Variants in FOXO1 observed in about 807,000 individuals in gnomAD.
FOXO1 encodes the protein forkhead box protein O1.
In FOXO1, 6 loss-of-function variants were observed where a neutral mutation model predicts 44.1. The observed-to-expected ratio is 0.14, with a 90% confidence interval of 0.07 to 0.27. The LOEUF (loss-of-function observed/expected upper bound fraction) is 0.27, where lower values mean the gene tolerates loss of function less well. Among genes scored for constraint, FOXO1 ranks in the 10% least tolerant of loss-of-function variants. FOXO1 has a pLI of 1.00. For missense variants in FOXO1, 737 were observed against 888.8 expected (o/e 0.83, Z 2.17); for synonymous variants, 380 against 362.7 (o/e 1.05, Z -0.54).
At chr13:40,596,486 C>T (rs1044397392) in intron 1 of FOXO1, among the ~76,000 whole-genome samples, 9 of 152,164 alleles carry the variant, frequency 5.9e-5, no homozygotes, top group Non-Finnish European at 1.3e-4. Flanking sequence ...CTTTGGAGAT[C>T]CTGACTCAAA....
In FOXO1 at chr13:40,666,560, C is replaced by T; in HGVS notation, c.-348G>A. 1 of 236,002 alleles carries T rather than the reference C, an allele frequency of 4.2e-6. No individual in the cohort carries two copies. The allele number at this position is 236,002 out of a possible 1,614,324, so 14.6% of individuals were successfully genotyped here. ...GGGCCGCTTGCTCTCCCCAGCGGCGCGCCCGCTGCGCTGCTGCCTGTTGAA... is the reference window on the plus strand; with the variant it reads ...GGGCCGCTTGCTCTCCCCAGCGGCGTGCCCGCTGCGCTGCTGCCTGTTGAA... On this transcript the variant is annotated 5_prime_UTR_variant, in exon 1 of 3. Transcript: ENST00000379561.
At chr13:40,580,785 C>T (rs1485576244) in intron 1 of FOXO1, among the ~76,000 whole-genome samples, 1 of 152,106 alleles carries the variant, frequency 6.6e-6, no homozygotes, top group Non-Finnish European at 1.5e-5. Context: ...TTAGCAGTAG[C>T]AACAAAAGAT....
rs1258703072 is a variant in FOXO1 at position 40,557,516 on chromosome 13, C to T, written c.*1533G>A. 1 of 152,192 alleles carries T rather than the reference C, an allele frequency of 6.6e-6. No individual in the cohort carries two copies. The highest frequency in any genetic ancestry group is 2.4e-5 in the African/African-American group (1 of 41,432). The allele number at this position is 152,192 out of a possible 1,614,324, so 9.4% of individuals were successfully genotyped here. A position where few individuals can be genotyped will look rare whatever the true frequency, so the allele number is the denominator to read the frequency against. ...AAGTAAGTTCTATTCCATTTGCTACCCATCTGAACTTATGAACACAAATTC... is the reference window on the plus strand; with the variant it reads ...AAGTAAGTTCTATTCCATTTGCTACTCATCTGAACTTATGAACACAAATTC... On this transcript the variant is annotated 3_prime_UTR_variant, in exon 3 of 3. Coordinates refer to ENST00000379561, the MANE Select transcript of FOXO1 (RefSeq NM_002015.4).
At chr13:40,599,590 T>C (rs1028065473) in intron 1 of FOXO1, among the ~76,000 whole-genome samples, 4 of 152,208 alleles carry the variant, frequency 2.6e-5, no homozygotes, top group Admixed American at 1.3e-4. Context: ...TCGTGTGGCA[T>C]GTGTCTTTGT....
intron 1 of FOXO1, among the ~76,000 whole-genome samples, chr13:40,634,033 T>C (rs1451094512): frequency 3.3e-5 from 5 of 152,218 alleles, no homozygotes; most frequent in Non-Finnish European, 7.4e-5. Context: ...AACTGAATTA[T>C]GGGAAGTTTC....
chr13:40,647,548 C>T (rs959377637), intron 1 of FOXO1, among the ~76,000 whole-genome samples: 3 of 152,052 alleles, frequency 2.0e-5, no homozygotes, highest in African/African-American at 7.2e-5. Flanking sequence ...GGGATTACAG[C>T]CGTGCACCAC....
intron 1 of FOXO1, among the ~76,000 whole-genome samples, chr13:40,642,302 C>T (rs1325522150): frequency 6.6e-6 from 1 of 152,106 alleles, no homozygotes; most frequent in African/African-American, 2.4e-5. Context: ...AACCAAACCC[C>T]AATCTAGACA....
At chr13:40,577,009 A>T (rs890864195) in intron 1 of FOXO1, among the ~76,000 whole-genome samples, 39 of 152,222 alleles carry the variant, frequency 2.6e-4, no homozygotes, top group African/African-American at 9.2e-4. Context: ...GTAACCATGG[A>T]TTGTTCCACA....
Position 40,666,621 on chromosome 13 carries a change from G to A in FOXO1, c.-409C>T, listed in dbSNP as rs574022211. 578 of 182,728 alleles carry A rather than the reference G, an allele frequency of 3.2e-3. 1 individual carries two copies. The highest frequency in any genetic ancestry group is 0.013 in the African/African-American group (546 of 42,554). 11.3% of individuals were successfully genotyped at this position (182,728 alleles called of 1,614,324 possible). A position where few individuals can be genotyped will look rare whatever the true frequency, so the allele number is the denominator to read the frequency against. On this transcript the variant is annotated 5_prime_UTR_variant, in exon 1 of 3. Coordinates refer to ENST00000379561, the MANE Select transcript of FOXO1 (RefSeq NM_002015.4). ...GCGGCAGCGGCTGCTGCGACTACCA[G>A]GCCGCCCGACTTACGGGATCTGCCG... is the stretch of plus-strand genomic sequence containing the variant.
intron 1 of FOXO1, among the ~76,000 whole-genome samples, chr13:40,573,831 A>G (rs1362338741): frequency 6.6e-6 from 1 of 152,256 alleles, no homozygotes; most frequent in African/African-American, 2.4e-5. Context: ...TTTGAGGATG[A>G]AAACACAAAG....
rs776126179 is a variant in FOXO1 at position 40,560,262 on chromosome 13, G to A, written c.1229C>T (p.Pro410Leu). 7 of 1,614,210 alleles carry A rather than the reference G, an allele frequency of 4.3e-6. No homozygotes were observed. The highest frequency in any genetic ancestry group is 3.4e-6 in the Non-Finnish European group (4 of 1,180,038). The change falls in exon 2 of 3, where the codon CCA becomes CTA. Residue 410 changes from proline to leucine, a missense_variant. This residue lies in a region of FOXO1 where 283 missense variants were observed against 278.1 expected (regional missense o/e 1.02). Coordinates refer to ENST00000379561, the MANE Select transcript of FOXO1 (RefSeq NM_002015.4). The surrounding 1 kb of genome is among the most constrained non-coding windows in gnomAD (Gnocchi z 5.1). ...QQTPCYSFAP[P>L]NTSLNSPSPN... ...GCTGGGTGAATTCAAACTGGTGTTT[G>A]GTGGCGCAAACGAGTAGCACGGCGT...
At chr13:40,606,699 G>A (rs1201070434) in intron 1 of FOXO1, among the ~76,000 whole-genome samples, 1 of 152,100 alleles carries the variant, frequency 6.6e-6, no homozygotes, top group African/African-American at 2.4e-5. Context: ...AGCGACTGAG[G>A]AGGGCTGTAA....
intron 1 of FOXO1, among the ~76,000 whole-genome samples, chr13:40,628,949 G>A (rs1240309036): frequency 1.3e-5 from 2 of 152,020 alleles, no homozygotes; most frequent in Non-Finnish European, 2.9e-5. Context: ...TGCATCTCGG[G>A]AATAAAATAC....
intron 1 of FOXO1, chr13:40,619,245 G>C (rs999864320): frequency 5.3e-6 from 2 of 377,360 alleles, no homozygotes; most frequent in Non-Finnish European, 1.0e-5. Flanking sequence ...AGTGAGCCGA[G>C]ATCATGCCAT....
At chr13:40,658,781 G>A (rs1008864615) in intron 1 of FOXO1, among the ~76,000 whole-genome samples, 6 of 151,878 alleles carry the variant, frequency 4.0e-5, no homozygotes, top group Non-Finnish European at 5.9e-5. Flanking sequence ...AGGCCGAGGC[G>A]GGTGGATCAC....
At chr13:40,587,537 T>A (rs1875214929) in intron 1 of FOXO1, among the ~76,000 whole-genome samples, 1 of 152,132 alleles carries the variant, frequency 6.6e-6, no homozygotes, top group South Asian at 2.1e-4. Flanking sequence ...AAAAACTTAT[T>A]TTTGCTAAAA....
intron 1 of FOXO1, chr13:40,562,698 C>T (rs1323489627): frequency 6.6e-6 from 1 of 152,242 alleles, no homozygotes; most frequent in Non-Finnish European, 1.5e-5. Context: ...CCCACAACTG[C>T]AAATATATGG....
intron 1 of FOXO1, among the ~76,000 whole-genome samples, chr13:40,634,569 GA>G (rs1877078982): frequency 6.6e-6 from 1 of 152,178 alleles, no homozygotes; most frequent in South Asian, 2.1e-4. Flanking sequence ...TTCAGCCTGG[GA>G]GGCCAAGGCT....
chr13:40,660,881 T>C (rs1282883518), intron 1 of FOXO1, among the ~76,000 whole-genome samples: 2 of 151,182 alleles, frequency 1.3e-5, no homozygotes, highest in Non-Finnish European at 2.9e-5. Flanking sequence ...CAGGCAGAGG[T>C]TGCAGTGAGC....
Sources: gnomAD v4.1 joint callset for allele counts (sites outside exome capture counted in the v4.1 genomes callset) on GRCh38, gnomAD v4.1.1 for gene constraint, gnomAD v4.1.1 regional missense constraint, Gnocchi (gnomAD v3.1) non-coding constraint, MANE v1.5 for transcripts, NCBI Gene and HGNC (gene_info 2026-07-23, HGNC 2026-07-21) for gene names.